RPS6KC1: variants seen among roughly 807,000 people sequenced by gnomAD.
RPS6KC1 encodes ribosomal protein S6 kinase C1.
In RPS6KC1, 54 loss-of-function variants were observed where a neutral mutation model predicts 103.8. The observed-to-expected ratio is 0.52, with a 90% CI of 0.42 to 0.65. The LOEUF is 0.65. Among genes scored for constraint, RPS6KC1 ranks in the 30% least tolerant of loss-of-function variants. The pLI is 0.00. For synonymous variants in RPS6KC1, 439 were observed against 438.7 expected, an observed-to-expected ratio of 1.00 and a Z score of -0.01; for missense variants, 1,151 against 1,253.8, an observed-to-expected ratio of 0.92 and a Z score of 1.24.
At chr1:213,537,398 G>A in the RPS6KC1 span, among the ~76,000 whole-genome samples, 20 of 152,238 alleles carry the variant, frequency 1.3e-4, no homozygotes, top group East Asian at 1.5e-3. Flanking sequence ...GAGTTGGAAC[G>A]CTGGCTGTAA....
At chr1:213,455,200 T>C in the RPS6KC1 span, among the ~76,000 whole-genome samples, 14 of 152,332 alleles carry the variant, frequency 9.2e-5, no homozygotes, top group African/African-American at 3.4e-4. Flanking sequence ...GTGCTGGCTG[T>C]CCTACATCTG....
chr1:213,416,075 C>A, the RPS6KC1 span, among the ~76,000 whole-genome samples: 1 of 152,180 alleles, frequency 6.6e-6, no homozygotes, highest in Non-Finnish European at 1.5e-5. Flanking sequence ...CCCTGTGTCA[C>A]CCGGGGTGAG....
the RPS6KC1 span, among the ~76,000 whole-genome samples, chr1:213,431,009 G>T: frequency 6.6e-6 from 1 of 151,948 alleles, no homozygotes; most frequent in Non-Finnish European, 1.5e-5. Flanking sequence ...ACAGAAATGG[G>T]TTGGGGGTGG....
chr1:213,197,288 A>G (rs574502901), intron 8 of RPS6KC1, among the ~76,000 whole-genome samples: 94 of 152,128 alleles, frequency 6.2e-4, no homozygotes, highest in African/African-American at 2.2e-3. Flanking sequence ...TTCCATATGA[A>G]TTTTAGGACT....
chr1:213,722,908 G>A, the RPS6KC1 span, among the ~76,000 whole-genome samples: 1 of 152,228 alleles, frequency 6.6e-6, no homozygotes, highest in African/African-American at 2.4e-5. Context: ...GCCGGGCAAG[G>A]TGGCTCATGC....
chr1:213,490,702 T>C, the RPS6KC1 span, among the ~76,000 whole-genome samples: 1 of 152,012 alleles, frequency 6.6e-6, no homozygotes, highest in Admixed American at 6.6e-5. Context: ...GGACTGTGAG[T>C]AGTGTAGAAG....
chr1:213,116,047 GT>G (rs2083561845), intron 4 of RPS6KC1, among the ~76,000 whole-genome samples: 1 of 151,988 alleles, frequency 6.6e-6, no homozygotes, highest in Admixed American at 6.6e-5. Context: ...GGGGTGGAGA[GT>G]TCTGTAGATA....
chr1:213,577,500 G>A, the RPS6KC1 span, among the ~76,000 whole-genome samples: 2 of 152,238 alleles, frequency 1.3e-5, no homozygotes, highest in Non-Finnish European at 2.9e-5. Context: ...GAACAGTTTG[G>A]AGGGCTCAGA....
chr1:213,784,741 A>C, the RPS6KC1 span, among the ~76,000 whole-genome samples: 1 of 152,208 alleles, frequency 6.6e-6, no homozygotes, highest in South Asian at 2.1e-4. Flanking sequence ...GACTGGGCTG[A>C]GCATCTGCTT....
the RPS6KC1 span, among the ~76,000 whole-genome samples, chr1:213,500,845 G>A: frequency 6.6e-6 from 1 of 151,738 alleles, no homozygotes; most frequent in Non-Finnish European, 1.5e-5. Flanking sequence ...GCTTTAGAAG[G>A]GTGTCTATAT....
chr1:213,671,808 A>G, the RPS6KC1 span, among the ~76,000 whole-genome samples: 1 of 152,158 alleles, frequency 6.6e-6, no homozygotes, highest in African/African-American at 2.4e-5. Context: ...CAACAAGAAA[A>G]CAAAAACAAA....
chr1:213,491,113 C>T, the RPS6KC1 span, among the ~76,000 whole-genome samples: 3 of 152,132 alleles, frequency 2.0e-5, no homozygotes, highest in Admixed American at 1.3e-4. Context: ...GCACTGAGGG[C>T]AGTTGTTAAA....
At chr1:213,073,195 T>G (rs994993367) in intron 2 of RPS6KC1, among the ~76,000 whole-genome samples, 17 of 152,246 alleles carry the variant, frequency 1.1e-4, no homozygotes, top group Admixed American at 1.1e-3. Flanking sequence ...TTTCACTTCC[T>G]TTCACTTTCC....
chr1:213,859,977 A>ATATAT, the RPS6KC1 span, among the ~76,000 whole-genome samples: 481 of 124,008 alleles, frequency 3.9e-3, no homozygotes, highest in African/African-American at 0.025. Context: ...CAGTCTAAAC[A>ATATAT]AAAAAAAAAT....
At chr1:213,400,844 T>A in the RPS6KC1 span, among the ~76,000 whole-genome samples, 1 of 151,870 alleles carries the variant, frequency 6.6e-6, no homozygotes, top group African/African-American at 2.4e-5. Context: ...GTAGCTGGGA[T>A]TATAGGCACA....
the RPS6KC1 span, among the ~76,000 whole-genome samples, chr1:213,629,062 G>T: frequency 2.5e-4 from 38 of 152,338 alleles, no homozygotes; most frequent in Admixed American, 2.1e-3. Flanking sequence ...AGATTCTGTT[G>T]ATTTGGGGTG....
chr1:213,462,448 T>A, the RPS6KC1 span, among the ~76,000 whole-genome samples: 1 of 152,176 alleles, frequency 6.6e-6, no homozygotes, highest in Non-Finnish European at 1.5e-5. Context: ...TAAAGACACA[T>A]GCACACGTAT....
At chr1:213,603,680 G>T in the RPS6KC1 span, among the ~76,000 whole-genome samples, 2 of 151,866 alleles carry the variant, frequency 1.3e-5, no homozygotes, top group Middle Eastern at 6.8e-3. Flanking sequence ...GCCAACTGGA[G>T]AAACCCTGTC....
At chr1:213,289,867 C>T in the RPS6KC1 span, among the ~76,000 whole-genome samples, 1 of 152,060 alleles carries the variant, frequency 6.6e-6, no homozygotes, top group Non-Finnish European at 1.5e-5. Flanking sequence ...GGTGAAACCC[C>T]ATCTCTACTA....
Sources: allele counts gnomAD v4.1 joint callset (sites outside exome capture counted in the v4.1 genomes callset), GRCh38; gene constraint gnomAD v4.1.1; transcripts MANE v1.5; gene names NCBI Gene and HGNC (gene_info 2026-07-23, HGNC 2026-07-21).